Variants in CCNL1 observed in about 807,000 individuals in gnomAD.
CCNL1 encodes cyclin L1, also known as cyclin-L1.
CCNL1 carries 13 observed loss-of-function variants against 60.6 expected under a neutral mutation model. The ratio of observed to expected loss-of-function variants is 0.21; its 90% CI spans 0.14 to 0.34. The LOEUF (loss-of-function observed/expected upper bound fraction) is 0.34. Among genes scored for constraint, CCNL1 ranks in the 10% least tolerant of loss-of-function variants. The pLI is 1.00. For missense variants in CCNL1, 481 were observed against 664.3 expected (o/e 0.72, Z 3.03); for synonymous variants, 270 against 244.3 (o/e 1.10, Z -0.98).
intron 7 of CCNL1, 29 bp from the exon 8 acceptor site, chr3:157,150,006 C>T (rs777653660): frequency 1.9e-6 from 3 of 1,611,060 alleles, no homozygotes; most frequent in Non-Finnish European, 2.5e-6. Context: ...GTTAGTATTT[C>T]TTCCTTAGAG....
downstream of CCNL1, among the ~76,000 whole-genome samples, chr3:157,143,121 T>C (rs1432991558): frequency 1.3e-5 from 2 of 152,236 alleles, no homozygotes; most frequent in African/African-American, 4.8e-5. Context: ...TAAGCCACAG[T>C]GCCCAGCCGT....
intron 6 of CCNL1, 32 bp from the exon 7 acceptor site, chr3:157,150,201 A>T: frequency 6.2e-7 from 1 of 1,608,246 alleles, no homozygotes; most frequent in Non-Finnish European, 8.5e-7. Context: ...TTTTAAATTA[A>T]ATTTTTGCTA....
chr3:157,151,718 C>T, intron 5 of CCNL1: 1 of 1,011,772 alleles, frequency 9.9e-7, no homozygotes, highest in Non-Finnish European at 1.2e-6. Flanking sequence ...ATAGGCATGT[C>T]AAATAGTTAC....
Position 157,148,136 on chromosome 3 carries a change from A to T in CCNL1, c.*105T>A. 1 of 1,471,020 alleles carries T rather than the reference A, an allele frequency of 6.8e-7. No individual in the cohort carries two copies. The highest frequency in any genetic ancestry group is 9.0e-7 in the Non-Finnish European group (1 of 1,111,260). The allele number at this position is 1,471,020 out of a possible 1,614,324, so 91.1% of individuals were successfully genotyped here. ...TCTAGAGACCTAGAGGGTTTCAAGA[A>T]ATCAAATCCTAATCAGTTTGCGTTT... On this transcript the variant is annotated 3_prime_UTR_variant, in exon 11 of 11. Coordinates refer to ENST00000295926, the MANE Select transcript of CCNL1 (RefSeq NM_020307.4).
At chr3:157,154,355 ACTG>A (rs1738425831) in intron 3 of CCNL1, 3 of 152,280 alleles carry the variant, frequency 2.0e-5, no homozygotes, top group African/African-American at 7.2e-5. Context: ...TTATCAAGAC[ACTG>A]ATTATACGGT....
chr3:157,159,335 G>T lies in CCNL1; in HGVS notation c.378+70C>A. On this transcript the variant is annotated intron_variant, in intron 2 of 10. Transcript: ENST00000295926. ...CACTCCCTTTCTGGAAAAGCTGGCTGCTGACACTACCCCTACTCTGCCCAT... is the reference window on the plus strand; with the variant it reads ...CACTCCCTTTCTGGAAAAGCTGGCTTCTGACACTACCCCTACTCTGCCCAT... The T allele has an allele frequency of 1.5e-5, 22 of 1,419,408 alleles. No individual in the cohort carries two copies. In the South Asian group the frequency reaches 2.5e-4, roughly 16 times the overall value. 87.9% of individuals were successfully genotyped at this position (1,419,408 alleles called of 1,614,324 possible).
rs1738969239 is a variant in CCNL1, at chr3:157,160,005, C to G, written c.90G>C (p.Thr30=). 6.4e-7 allele frequency: 1 copy of G among 1,573,900 alleles called. No individual in the cohort carries two copies. Among genetic ancestry groups the G allele is most frequent in the Non-Finnish European group, 8.6e-7 (1 of 1,160,036 alleles). The change falls in exon 1 of 11, where the codon ACG becomes ACC. Residue 30 remains threonine, a synonymous_variant. Coordinates refer to ENST00000295926, the MANE Select transcript of CCNL1 (RefSeq NM_020307.4). The part of the protein sequence containing the change: ...PSAGGSSSGT[T]TTTTTTTGGI... ...CTCCCGTCGTGGTCGTCGTCGTGGT[C>G]GTCGTCCCGGAGCTGGAGCCGCCCG...
intron 6 of CCNL1, 48 bp from the exon 7 acceptor site, chr3:157,150,217 G>A (rs1249645922): frequency 1.2e-6 from 2 of 1,609,264 alleles, no homozygotes; most frequent in Non-Finnish European, 1.7e-6. Flanking sequence ...TGCTAAATCT[G>A]TATTGGAACC....
chr3:157,159,329 C>T (rs1738874811), intron 2 of CCNL1, 76 bp downstream of exon 2: 1 of 1,365,044 alleles, frequency 7.3e-7, no homozygotes, highest in Non-Finnish European at 1.0e-6. Context: ...TCTGGAAAAG[C>T]TGGCTGCTGA....
chr3:157,143,575 G>C (rs1035928401), downstream of CCNL1, among the ~76,000 whole-genome samples: 1 of 152,086 alleles, frequency 6.6e-6, no homozygotes, highest in Admixed American at 6.6e-5. Context: ...CCTCCCTTAC[G>C]AGCTTACATT....
downstream of CCNL1, among the ~76,000 whole-genome samples, chr3:157,146,356 TGCCTA>T (rs1737781920): frequency 6.6e-6 from 1 of 152,118 alleles, no homozygotes; most frequent in Admixed American, 6.6e-5. Flanking sequence ...AAAAGATCTT[TGCCTA>T]GCCCACAAAG....
chr3:157,152,670 T>TA, intron 4 of CCNL1: 1 of 1,093,748 alleles, frequency 9.1e-7, no homozygotes, highest in Non-Finnish European at 1.1e-6. Context: ...CCAACACACT[T>TA]AGAACATTCT....
At chr3:157,144,984 A>G (rs988914895), downstream of CCNL1, among the ~76,000 whole-genome samples, 4 of 152,214 alleles carry the variant, frequency 2.6e-5, no homozygotes, top group Non-Finnish European at 5.9e-5. Flanking sequence ...AAAGCTATTA[A>G]AGCAAAACCT....
chr3:157,148,463 G>A lies in CCNL1; in HGVS notation c.1359C>T (p.Thr453=). The A allele has an allele frequency of 4.3e-6, 7 of 1,614,050 alleles. No homozygotes were observed. Among genetic ancestry groups the A allele is most frequent in the Non-Finnish European group, 3.4e-6 (4 of 1,180,014 alleles). ...TGTTTGAACTTTTTAAATCATCTCT[G>A]GTATGCTTGGCCTTAAGGTGAGGAG... ...HGSPHLKAKH[T]RDDLKSSNRH... The change falls in exon 11 of 11, where the codon ACC becomes ACT. Residue 453 remains threonine (T), a synonymous_variant. Coordinates refer to ENST00000295926, the MANE Select transcript of CCNL1 (RefSeq NM_020307.4).
chr3:157,143,419 G>A (rs941031792), downstream of CCNL1, among the ~76,000 whole-genome samples: 2 of 152,046 alleles, frequency 1.3e-5, no homozygotes, highest in African/African-American at 4.8e-5. Flanking sequence ...TGATGATGAA[G>A]GCTTTAAAAA....
intron 5 of CCNL1, chr3:157,151,021 AC>A (rs1458931106): frequency 1.0e-6 from 1 of 985,050 alleles, no homozygotes; most frequent in Non-Finnish European, 1.2e-6. Context: ...TTATTAATGA[AC>A]CCTCCCCACA....
At chr3:157,151,161 A>T (rs1370995058) in intron 5 of CCNL1, 1 of 984,794 alleles carries the variant, frequency 1.0e-6, no homozygotes, top group East Asian at 1.1e-4. Flanking sequence ...ACATACTTAA[A>T]ATGTCATGCA....
In CCNL1 at chr3:157,151,622, TA is replaced by T. The variant is rs1046455033; in HGVS notation, c.674+554del. On this transcript the variant is annotated intron_variant, in intron 5 of 10. Coordinates refer to ENST00000295926, the MANE Select transcript of CCNL1 (RefSeq NM_020307.4). ...AATAAAAATTTAGTCAAACTCCTAA[TA>T]AACCATTTAATTCATAATGGCTGCA... 3.0e-6 allele frequency: 3 copies of T among 988,330 alleles called. No individual in the cohort carries two copies. The African/African-American group carries it at 5.2e-5, about 17-fold the overall frequency. 61.2% of individuals were successfully genotyped at this position (988,330 alleles called of 1,614,324 possible).
chr3:157,156,862 A>G (rs1738667051), intron 3 of CCNL1: 3 of 1,190,874 alleles, frequency 2.5e-6, no homozygotes, highest in Non-Finnish European at 3.3e-6. Flanking sequence ...TATAGTTCTA[A>G]TAACTTGGAC....
Sources: allele counts gnomAD v4.1 joint callset (sites outside exome capture counted in the v4.1 genomes callset), GRCh38; gene constraint gnomAD v4.1.1; transcripts MANE v1.5; gene names NCBI Gene and HGNC (gene_info 2026-07-23, HGNC 2026-07-21).